Variants in STARD3 observed in about 807,000 individuals in gnomAD.
STARD3 encodes the protein StAR related lipid transfer domain containing 3.
A neutral mutation model predicts 62.0 loss-of-function variants in STARD3; 39 were observed. That is an observed-to-expected ratio of 0.63 (90% CI 0.49 to 0.82). STARD3 has a LOEUF of 0.82. STARD3 is among the 40% of genes least tolerant of loss of function. The pLI, the probability that STARD3 is intolerant of heterozygous loss-of-function variation, is 0.00. For synonymous variants in STARD3, 229 were observed against 242.4 expected (o/e 0.94, Z 0.51); for missense variants, 543 against 584.5 (o/e 0.93, Z 0.73).
chr17:39,662,543 T>G, intron 14 of STARD3, 199 bp downstream of exon 14: 1 of 644,664 alleles, frequency 1.6e-6, no homozygotes, highest in Non-Finnish European at 2.7e-6. Flanking sequence ...TGCCCCCCCT[T>G]CTTACCTCTG....
rs949535071 is a variant in STARD3 at position 39,662,840 on chromosome 17, G to A, written c.1270G>A (p.Ala424Thr). The change falls in exon 15 of 15, where the codon GCG becomes ACG. Residue 424 changes from alanine (A) to threonine (T), a missense_variant. Transcript: ENST00000336308. ...CCGGTACCTCATCCACCAGAGCCTC[G>A]CGGCCACCATGTTTGAATTTGCCTT... is the stretch of plus-strand genomic sequence containing the variant. Reference protein sequence around the residue: ...LPRYLIHQSLAATMFEFAFHL... With the variant: ...LPRYLIHQSLTATMFEFAFHL... The A allele has an allele frequency of 3.1e-6, 5 of 1,612,008 alleles. No homozygotes were observed. Among genetic ancestry groups the A allele is most frequent in the East Asian group, 2.2e-5 (1 of 44,586 alleles).
At chr17:39,641,893 A>T (rs555990045) in intron 1 of STARD3, among the ~76,000 whole-genome samples, 1 of 152,178 alleles carries the variant, frequency 6.6e-6, no homozygotes, top group Admixed American at 6.5e-5. Context: ...TATCATGGCC[A>T]GGCACTGTGA....
At chr17:39,659,372 A>G in intron 8 of STARD3, 89 bp from the exon 9 acceptor site, 9 of 1,319,214 alleles carry the variant, frequency 6.8e-6, no homozygotes, top group Non-Finnish European at 9.7e-6. Context: ...TCTGGGAAGC[A>G]TGTGGTATGT....
At chr17:39,658,055 G>A (rs2057150074) in intron 5 of STARD3, 29 bp downstream of exon 5, 2 of 1,550,554 alleles carry the variant, frequency 1.3e-6, no homozygotes, top group Non-Finnish European at 1.7e-6. Flanking sequence ...GGCCAGTCTG[G>A]TGGGCATCAG....
intron 5 of STARD3, 130 bp from the exon 6 acceptor site, chr17:39,658,275 A>C: frequency 1.1e-6 from 1 of 900,832 alleles, no homozygotes; most frequent in Non-Finnish European, 1.7e-6. Context: ...CAGACTTGAG[A>C]GGGTTCCCAA....
chr17:39,660,099 A>T lies in STARD3; in HGVS notation c.796-112A>T. 9.5e-7 allele frequency: 1 copy of T among 1,055,630 alleles called. No individual in the cohort carries two copies. The highest frequency in any genetic ancestry group is 1.5e-6 in the Non-Finnish European group (1 of 678,930). 65.4% of individuals were successfully genotyped at this position (1,055,630 alleles called of 1,614,324 possible). A position where few individuals can be genotyped will look rare whatever the true frequency, so the allele number is the denominator to read the frequency against. On this transcript the variant is annotated intron_variant, in intron 9 of 14. Transcript: ENST00000336308. This position sits in a 1 kb window ranked among gnomAD's most constrained non-coding sequence, Gnocchi z 4.8. Reference sequence around the variant, plus strand: ...TGCTCAGGTGTCCCCAAACTCCTGGAGTTTTCCACCCTGAGCTGTTAAAAA... The same window carrying T: ...TGCTCAGGTGTCCCCAAACTCCTGGTGTTTTCCACCCTGAGCTGTTAAAAA...
chr17:39,645,556 G>A (rs2057018182), intron 1 of STARD3, among the ~76,000 whole-genome samples: 1 of 151,350 alleles, frequency 6.6e-6, no homozygotes, highest in East Asian at 2.0e-4. Context: ...TGCAACCTCC[G>A]CTTCCCGGGT....
Position 39,657,831 on chromosome 17 carries a change from C to G in STARD3, c.354C>G (p.Leu118=). The change falls in exon 4 of 15, where the codon CTC becomes CTG. Residue 118 remains leucine, a synonymous_variant. Coordinates refer to ENST00000336308, the MANE Select transcript of STARD3 (RefSeq NM_006804.4). ...TCCTAGGCTATGCCGTGCTGCGGCT[C>G]CGGCACTGGTGGGTGATTGCGGTAA... is the stretch of plus-strand genomic sequence containing the variant. ...GLLLGYAVLR[L]RHWWVIAVTT... 1 of 1,614,198 alleles carries G rather than the reference C, an allele frequency of 6.2e-7. No individual in the cohort carries two copies. The highest frequency in any genetic ancestry group is 1.3e-5 in the African/African-American group (1 of 75,058).
At chr17:39,645,409 T>C (rs2057016557) in intron 1 of STARD3, among the ~76,000 whole-genome samples, 1 of 152,226 alleles carries the variant, frequency 6.6e-6, no homozygotes, top group Non-Finnish European at 1.5e-5. Context: ...TTTTATTACA[T>C]GTCACTATAG....
chr17:39,645,956 A>C (rs1317243957), intron 1 of STARD3, among the ~76,000 whole-genome samples: 8 of 114,428 alleles, frequency 7.0e-5, no homozygotes, highest in African/African-American at 1.4e-4. Flanking sequence ...CAGTGGCGGG[A>C]TCTTGGCTCA....
At position 39,640,955 on chromosome 17, in the gene STARD3, C is replaced by T. The variant is rs144201709; in HGVS notation, c.-52+3724C>T. Among the ~76,000 whole-genome samples, 109 of 152,206 alleles carry T rather than the reference C, an allele frequency of 7.2e-4. 1 individual carries two copies. The highest frequency in any genetic ancestry group is 2.5e-3 in the African/African-American group (105 of 41,530). ...TTTGTCACTGTAGCTGTGTCCTCCT[C>T]TCCCTACACTCCCACTTCTCCAGGG... On this transcript the variant is annotated intron_variant, in intron 1 of 14. Coordinates refer to ENST00000336308, the MANE Select transcript of STARD3 (RefSeq NM_006804.4).
At chr17:39,657,920 G>C (rs1209543210) in intron 4 of STARD3, 53 bp from the exon 5 acceptor site, 1 of 1,612,030 alleles carries the variant, frequency 6.2e-7, no homozygotes, top group Non-Finnish European at 8.5e-7. Flanking sequence ...GGATGGAGGA[G>C]GACTCACTTC....
rs188882195 is a variant in STARD3, at chr17:39,637,692, T to A, written c.-52+461T>A. On this transcript the variant is annotated intron_variant, in intron 1 of 14. Transcript: ENST00000336308. ...CCTAATTGGTATTAAAAGGGCCCTTTGAAGTCTTGAGTTCTTAGAGGTGCA... is the reference window on the plus strand; with the variant it reads ...CCTAATTGGTATTAAAAGGGCCCTTAGAAGTCTTGAGTTCTTAGAGGTGCA... 1.4e-4 allele frequency among the ~76,000 whole-genome samples: 21 copies of A among 152,302 alleles called. 1 individual carries two copies. The East Asian group carries it at 3.9e-3, about 28-fold the overall frequency.
At chr17:39,644,450 C>T (rs2057006882) in intron 1 of STARD3, among the ~76,000 whole-genome samples, 1 of 152,006 alleles carries the variant, frequency 6.6e-6, no homozygotes, top group Non-Finnish European at 1.5e-5. Context: ...TCCTTTGGTG[C>T]CCCCAGACAG....
chr17:39,662,577 T>A, intron 14 of STARD3: 1 of 626,240 alleles, frequency 1.6e-6, no homozygotes, highest in African/African-American at 1.8e-5. Flanking sequence ...TGAGGAAGGG[T>A]GGCTGGTGGC....
At chr17:39,639,012 T>C (rs1212227115) in intron 1 of STARD3, among the ~76,000 whole-genome samples, 1 of 152,078 alleles carries the variant, frequency 6.6e-6, no homozygotes, top group African/African-American at 2.4e-5. Context: ...TGGTGGTACG[T>C]GTGGGAGGAT....
chr17:39,663,023 C>G lies in STARD3; in HGVS notation c.*115C>G, dbSNP rs1379382157. On this transcript the variant is annotated 3_prime_UTR_variant, in exon 15 of 15. Coordinates refer to ENST00000336308, the MANE Select transcript of STARD3 (RefSeq NM_006804.4). ...TGGGACCTGGCCCCAGGCTGTCACC[C>G]TCCACCGAGCCACGCAGTGCCTGGA... The G allele has an allele frequency of 1.9e-6, 2 of 1,052,936 alleles. No individual in the cohort carries two copies. Among genetic ancestry groups the G allele is most frequent in the Non-Finnish European group, 2.7e-6 (2 of 741,288 alleles). 65.2% of individuals were successfully genotyped at this position (1,052,936 alleles called of 1,614,324 possible). A position where few individuals can be genotyped will look rare whatever the true frequency, so the allele number is the denominator to read the frequency against.
In STARD3 at chr17:39,658,317, G is replaced by T; in HGVS notation, c.430-88G>T. On this transcript the variant is annotated intron_variant, in intron 5 of 14. Transcript: ENST00000336308. The stretch of plus-strand genomic sequence containing the variant: ...GCTACCAGGAATGGGGTGTATGCCA[G>T]TTTGGCTGGCTAGAGTTGGTAGCCA... The T allele has an allele frequency of 3.9e-6, 5 of 1,274,358 alleles. No homozygotes were observed. In the South Asian group the frequency reaches 6.5e-5, roughly 17 times the overall value. The allele number at this position is 1,274,358 out of a possible 1,614,324, so 78.9% of individuals were successfully genotyped here.
chr17:39,662,301 C>T lies in STARD3; in HGVS notation c.1190C>T (p.Pro397Leu), dbSNP rs549105940. Residue 397 changes from proline (P) to leucine (L), a missense_variant, in exon 14 of 15, where the codon CCC (proline) becomes CTC (leucine). Transcript: ENST00000336308. ...GFIVLKSASN[P>L]RVCTFVWILN... Reference sequence around the variant, plus strand: ...ATCGTGCTCAAGTCGGCCAGTAACCCCCGTGTTTGCACCTTTGTCTGGATT... The same window carrying T: ...ATCGTGCTCAAGTCGGCCAGTAACCTCCGTGTTTGCACCTTTGTCTGGATT... 9.3e-6 allele frequency: 15 copies of T among 1,614,038 alleles called. No homozygotes were observed. The Admixed American group carries it at 2.3e-4, about 25-fold the overall frequency.
Sources: allele counts gnomAD v4.1 joint callset (sites outside exome capture counted in the v4.1 genomes callset), GRCh38; gene constraint gnomAD v4.1.1; non-coding constraint Gnocchi (gnomAD v3.1); transcripts MANE v1.5; gene names NCBI Gene and HGNC (gene_info 2026-07-23, HGNC 2026-07-21).